JAM2: variants seen among roughly 807,000 people sequenced by gnomAD.
JAM2 encodes junctional adhesion molecule B.
Under a neutral mutation model 42.0 loss-of-function variants are expected in JAM2, and 17 were observed. That is an observed-to-expected ratio of 0.40 (90% CI 0.28 to 0.61). The LOEUF is 0.61. Ranked by LOEUF, JAM2 falls within the 20% of genes least tolerant of loss-of-function variation. The probability of loss-of-function intolerance (pLI) is 0.37; values close to 1 mark genes in which losing one functional copy is unlikely to be tolerated. For synonymous variants in JAM2, 118 were observed against 128.6 expected (o/e 0.92, Z 0.56); for missense variants, 319 against 358.3 (o/e 0.89, Z 0.89).
At chr21:25,695,192 A>T (rs564896859) in intron 4 of JAM2, among the ~76,000 whole-genome samples, 5 of 152,146 alleles carry the variant, frequency 3.3e-5, no homozygotes, top group Non-Finnish European at 7.4e-5. Context: ...CTTAAGGAGC[A>T]TGCTGCCTTC....
At chr21:25,706,943 T>C (rs900979266) in intron 7 of JAM2, among the ~76,000 whole-genome samples, 1 of 151,930 alleles carries the variant, frequency 6.6e-6, no homozygotes, top group Non-Finnish European at 1.5e-5. Context: ...TTTCATCGTG[T>C]TAGCCGGGAT....
At chr21:25,696,509 C>T (rs1469764381) in intron 4 of JAM2, among the ~76,000 whole-genome samples, 1 of 152,156 alleles carries the variant, frequency 6.6e-6, no homozygotes, top group African/African-American at 2.4e-5. Flanking sequence ...AAATTTAAAT[C>T]AGAAAACCTT....
chr21:25,699,726 A>C (rs1163063286), intron 5 of JAM2, among the ~76,000 whole-genome samples: 1 of 97,486 alleles, frequency 1.0e-5, no homozygotes, highest in African/African-American at 9.3e-5. Context: ...CCGTCTCAAA[A>C]AAAAAAAAAA....
intron 1 of JAM2, among the ~76,000 whole-genome samples, chr21:25,668,051 T>C (rs1410149338): frequency 6.6e-6 from 1 of 152,050 alleles, no homozygotes; most frequent in East Asian, 1.9e-4. Flanking sequence ...AGGGAGTTAA[T>C]AGACATCTAA....
rs550583997 is a variant in JAM2 at position 25,649,870 on chromosome 21, C to T, written c.67+9982C>T. Among the ~76,000 whole-genome samples, 4 of 152,296 alleles carry T rather than the reference C, an allele frequency of 2.6e-5. No individual in the cohort carries two copies. The South Asian group carries it at 8.3e-4, about 32-fold the overall frequency. On this transcript the variant is annotated intron_variant, in intron 1 of 9. Transcript: ENST00000480456. ...CATTGGGCAGCTACCTCTGGCAAGG[C>T]CCTCATGCTACATTAAAGCATAGTG...
At chr21:25,711,583 C>G (rs1416972265) in intron 8 of JAM2, 2 of 337,250 alleles carry the variant, frequency 5.9e-6, no homozygotes, top group Non-Finnish European at 1.2e-5. Flanking sequence ...GATCCTAATA[C>G]AAGTCTAGGT....
intron 1 of JAM2, among the ~76,000 whole-genome samples, chr21:25,677,718 G>A (rs537360328): frequency 2.0e-5 from 3 of 152,222 alleles, no homozygotes; most frequent in East Asian, 3.9e-4. Context: ...ATTTTGCCCC[G>A]AGGTTTTCCT....
rs186914166 is a variant in JAM2 at position 25,690,520 on chromosome 21, T to A, written c.241+547T>A. On this transcript the variant is annotated intron_variant, in intron 3 of 9. Transcript: ENST00000480456. ...TTTAATTTTATTTATTTATTTATTT[T>A]TTTGTAGAGATGAGGTGAGGTCTCC... is the stretch of plus-strand genomic sequence containing the variant. Among the ~76,000 whole-genome samples, 37 of 152,216 alleles carry A rather than the reference T, an allele frequency of 2.4e-4. No homozygotes were observed. The East Asian group carries it at 5.0e-3, about 21-fold the overall frequency.
rs2032379477 is a variant in JAM2 at position 25,639,896 on chromosome 21, G to C, written c.67+8G>C. ...TGGTGGTCGCCCTGGGCTGTAAGTT[G>C]CTCGGGTTCCTCTACCCTTCCTGCC... On this transcript the variant is annotated splice_region_variant and intron_variant, in intron 1 of 9. Transcript: ENST00000480456. The C allele has an allele frequency of 6.3e-7, 1 of 1,581,146 alleles. No individual in the cohort carries two copies. The highest frequency in any genetic ancestry group is 2.3e-5 in the East Asian group (1 of 43,518).
chr21:25,664,742 C>T (rs545112907), intron 1 of JAM2, among the ~76,000 whole-genome samples: 40 of 152,300 alleles, frequency 2.6e-4, no homozygotes, highest in African/African-American at 9.4e-4. Flanking sequence ...GTGTTTCCTG[C>T]TCTAAATTAT....
intron 1 of JAM2, among the ~76,000 whole-genome samples, chr21:25,683,397 AC>A (rs1304555983): frequency 2.0e-5 from 3 of 152,154 alleles, no homozygotes; most frequent in African/African-American, 4.8e-5. Context: ...CAGCTTATAT[AC>A]ATTTATTATA....
At chr21:25,657,250 G>GTGA (rs1410212086) in intron 1 of JAM2, among the ~76,000 whole-genome samples, 2 of 152,178 alleles carry the variant, frequency 1.3e-5, no homozygotes, top group African/African-American at 2.4e-5. Context: ...CTGGGCTCAA[G>GTGA]TGATGCTTCT....
At chr21:25,703,271 T>C (rs577085367) in intron 6 of JAM2, among the ~76,000 whole-genome samples, 1 of 152,262 alleles carries the variant, frequency 6.6e-6, no homozygotes, top group African/African-American at 2.4e-5. Flanking sequence ...TAAGGAATCA[T>C]ATCCAGGAAG....
At chr21:25,642,207 A>T (rs2032465565) in intron 1 of JAM2, among the ~76,000 whole-genome samples, 1 of 151,728 alleles carries the variant, frequency 6.6e-6, no homozygotes, top group Non-Finnish European at 1.5e-5. Context: ...TGCAACCCAC[A>T]CTTCTTCAGG....
chr21:25,680,123 T>A (rs993723397), intron 1 of JAM2, among the ~76,000 whole-genome samples: 27 of 152,206 alleles, frequency 1.8e-4, no homozygotes, highest in African/African-American at 5.8e-4. Flanking sequence ...TCCATCAAGG[T>A]CCTTGTCCTC....
Position 25,642,463 on chromosome 21 carries a change from C to G in JAM2, c.67+2575C>G, listed in dbSNP as rs552649717. On this transcript the variant is annotated intron_variant, in intron 1 of 9. Coordinates refer to ENST00000480456, the MANE Select transcript of JAM2 (RefSeq NM_021219.4). ...CATATTCATCTTTTTAATATTCTTC[C>G]CAGATGTAACTGTGCCATTCTTTTG... 2.0e-5 allele frequency among the ~76,000 whole-genome samples: 3 copies of G among 152,038 alleles called. No individual in the cohort carries two copies. The East Asian group carries it at 5.8e-4, about 29-fold the overall frequency.
intron 4 of JAM2, 26 bp downstream of exon 4, chr21:25,693,934 A>G (rs749715378): frequency 2.5e-6 from 4 of 1,606,864 alleles, no homozygotes; most frequent in Admixed American, 3.4e-5. Context: ...GTGTGTGACT[A>G]CGTCTCCCAC....
At chr21:25,660,165 C>T (rs924658126) in intron 1 of JAM2, among the ~76,000 whole-genome samples, 1 of 152,168 alleles carries the variant, frequency 6.6e-6, no homozygotes, top group Non-Finnish European at 1.5e-5. Flanking sequence ...AAGTGATCCG[C>T]CCACCTCAGC....
At chr21:25,666,894 T>A (rs1053171281) in intron 1 of JAM2, among the ~76,000 whole-genome samples, 1 of 152,234 alleles carries the variant, frequency 6.6e-6, no homozygotes, top group Non-Finnish European at 1.5e-5. Context: ...ATTGACTCTA[T>A]CATTTTAAGC....
Sources: gnomAD v4.1 joint callset for allele counts (sites outside exome capture counted in the v4.1 genomes callset) on GRCh38, gnomAD v4.1.1 for gene constraint, MANE v1.5 for transcripts, NCBI Gene and HGNC (gene_info 2026-07-23, HGNC 2026-07-21) for gene names.